GRB2: variants seen among roughly 807,000 people sequenced by gnomAD.
The protein encoded by GRB2 is growth factor receptor bound protein 2, also known as growth factor receptor-bound protein 2.
Under a neutral mutation model 27.4 loss-of-function variants are expected in GRB2, and 2 were observed. The ratio of observed to expected loss-of-function variants is 0.07; its 90% CI spans 0.03 to 0.23. GRB2 has a LOEUF of 0.23. Among genes scored for constraint, GRB2 ranks in the 10% least tolerant of loss-of-function variants. The pLI, the probability that GRB2 is intolerant of heterozygous loss-of-function variation, is 1.00. For synonymous variants in GRB2, 94 were observed against 99.6 expected (o/e 0.94, Z 0.33); for missense variants, 102 against 282.4 (o/e 0.36, Z 4.58).
chr17:75,376,791 C>T (rs1395357216), intron 2 of GRB2, among the ~76,000 whole-genome samples: 1 of 152,006 alleles, frequency 6.6e-6, no homozygotes, highest in South Asian at 2.1e-4. Context: ...CCCTTAATCC[C>T]AGAAGTTTGA....
At chr17:75,360,220 A>G (rs959271760) in intron 2 of GRB2, among the ~76,000 whole-genome samples, 1 of 151,500 alleles carries the variant, frequency 6.6e-6, no homozygotes, top group African/African-American at 2.4e-5. Context: ...TTTTATTCAC[A>G]ATAAACAAAT....
intron 2 of GRB2, among the ~76,000 whole-genome samples, chr17:75,379,460 G>A (rs1182251032): frequency 2.0e-5 from 3 of 149,830 alleles, no homozygotes; most frequent in South Asian, 4.2e-4. Context: ...GTACAGTGGG[G>A]CAAACATAGC....
At position 75,319,328 on chromosome 17, in the gene GRB2, A is replaced by AC. The variant is rs948409497; in HGVS notation, c.*1039_*1040insG. ...AAACAAAACAAATTAAAAAAAAAAA[A>AC]AAAACACCACTCAGAAGCAACCCTT... On this transcript the variant is annotated 3_prime_UTR_variant, in exon 6 of 6. Coordinates refer to ENST00000316804, the MANE Select transcript of GRB2 (RefSeq NM_002086.5). 5.3e-5 allele frequency: 8 copies of AC among 152,240 alleles called. No homozygotes were observed. Among genetic ancestry groups the AC allele is most frequent in the Admixed American group, 1.3e-4 (2 of 15,226 alleles). The allele number at this position is 152,240 out of a possible 1,614,324, so 9.4% of individuals were successfully genotyped here. A position where few individuals can be genotyped will look rare whatever the true frequency, so the allele number is the denominator to read the frequency against.
chr17:75,393,365 A>G (rs4788890), intron 2 of GRB2, 186 bp downstream of exon 2: 464,586 of 609,840 alleles, frequency 0.76, 188,601 homozygotes, highest in East Asian at 0.98. Flanking sequence ...ACCACACATC[A>G]CACCAACTCA....
chr17:75,382,075 A>T (rs6501785), intron 2 of GRB2, among the ~76,000 whole-genome samples: 135,026 of 151,984 alleles, frequency 0.89, 60,767 homozygotes, highest in Non-Finnish European at 0.96. Flanking sequence ...ATATAAAAAT[A>T]AGCTGGGCGT....
intron 2 of GRB2, among the ~76,000 whole-genome samples, chr17:75,346,881 C>G (rs2078659069): frequency 6.6e-6 from 1 of 152,044 alleles, no homozygotes; most frequent in East Asian, 1.9e-4. Context: ...CTTTTTGGCT[C>G]TGTAAGAACC....
chr17:75,360,730 A>G lies in GRB2; in HGVS notation c.79-27933T>C, dbSNP rs565113262. 3.3e-5 allele frequency among the ~76,000 whole-genome samples: 5 copies of G among 152,342 alleles called. No individual in the cohort carries two copies. In the East Asian group the frequency reaches 9.6e-4, roughly 29 times the overall value. ...CCCACTTGGCTTCTCTGGGCCTCAG[A>G]TAAATCCCCTTATAAAATAAGAGTC... On this transcript the variant is annotated intron_variant, in intron 2 of 5. Coordinates refer to ENST00000316804, the MANE Select transcript of GRB2 (RefSeq NM_002086.5).
chr17:75,366,375 T>A (rs2078819437), intron 2 of GRB2, among the ~76,000 whole-genome samples: 1 of 151,956 alleles, frequency 6.6e-6, no homozygotes, highest in Non-Finnish European at 1.5e-5. Flanking sequence ...TTATATACAG[T>A]ATGGTCTCTA....
intron 2 of GRB2, among the ~76,000 whole-genome samples, chr17:75,375,822 G>A (rs917107909): frequency 1.3e-5 from 2 of 151,056 alleles, no homozygotes; most frequent in Non-Finnish European, 2.9e-5. Context: ...TCAGGAGATC[G>A]AGACCATCCT....
rs1567853881 is a variant in GRB2, at chr17:75,319,314, A to AT, written c.*1053dup. On this transcript the variant is annotated 3_prime_UTR_variant, in exon 6 of 6. Transcript: ENST00000316804. Reference sequence around the variant, plus strand: ...TTTAACTTATTTTAAAACAAAACAAATTAAAAAAAAAAAAAAAACACCACT... The same window carrying AT: ...TTTAACTTATTTTAAAACAAAACAAATTTAAAAAAAAAAAAAAAACACCACT... The AT allele has an allele frequency of 1.4e-5, 1 of 69,136 alleles. No individual in the cohort carries two copies. The highest frequency in any genetic ancestry group is 3.5e-5 in the African/African-American group (1 of 28,198). The allele number at this position is 69,136 out of a possible 1,614,324, so 4.3% of individuals were successfully genotyped here. A position where few individuals can be genotyped will look rare whatever the true frequency, so the allele number is the denominator to read the frequency against.
At chr17:75,371,672 C>T (rs568855827) in intron 2 of GRB2, 130 of 151,850 alleles carry the variant, frequency 8.6e-4, no homozygotes, top group African/African-American at 3.0e-3. Flanking sequence ...TTCTAAGCAA[C>T]GAGAGGTGGC....
chr17:75,342,987 C>A (rs550126974), intron 2 of GRB2, among the ~76,000 whole-genome samples: 1 of 144,350 alleles, frequency 6.9e-6, no homozygotes, highest in Non-Finnish European at 1.5e-5. Context: ...AGGTCGAGGC[C>A]TGCAGTGACC....
chr17:75,404,886 T>C (rs2079088783), intron 1 of GRB2: 3 of 152,136 alleles, frequency 2.0e-5, no homozygotes, highest in Admixed American at 2.0e-4. Context: ...CAGCGCCCGC[T>C]CTCGCCGCAA....
chr17:75,369,619 C>T (rs535942324), intron 2 of GRB2, among the ~76,000 whole-genome samples: 1 of 150,456 alleles, frequency 6.6e-6, no homozygotes, highest in South Asian at 2.1e-4. Flanking sequence ...CTTTGGGAGG[C>T]CGAGGCGGGC....
chr17:75,326,258 C>A, intron 3 of GRB2: 2 of 529,214 alleles, frequency 3.8e-6, no homozygotes, highest in Non-Finnish European at 3.4e-6. Flanking sequence ...AACCGTGGGT[C>A]ACTCTTTCTA....
At chr17:75,372,710 A>G (rs924778984) in intron 2 of GRB2, 2 of 152,208 alleles carry the variant, frequency 1.3e-5, no homozygotes, top group African/African-American at 4.8e-5. Flanking sequence ...TGCACTGGTG[A>G]ATTTTTAGCC....
chr17:75,347,707 GTGAGCTGGGGCATACCCAGCCCAGCCA>G (rs2078664003), intron 2 of GRB2, among the ~76,000 whole-genome samples: 2 of 152,308 alleles, frequency 1.3e-5, no homozygotes, highest in African/African-American at 4.8e-5. Flanking sequence ...CATAACACAG[GTGAGCTGGGGCATACCCAGCCCAGCCA>G]TGAGCTGAGC....
chr17:75,338,771 T>C, intron 2 of GRB2: 2 of 635,972 alleles, frequency 3.1e-6, no homozygotes, highest in Non-Finnish European at 2.8e-6. Context: ...AGGTGAGCTT[T>C]ACACAGAAGA....
At chr17:75,352,891 A>T (rs867417130) in intron 2 of GRB2, among the ~76,000 whole-genome samples, 85 of 131,542 alleles carry the variant, frequency 6.5e-4, no homozygotes, top group African/African-American at 2.2e-3. Flanking sequence ...TTTTTTTTTT[A>T]AAAGACATAG....
Sources: allele counts gnomAD v4.1 joint callset (sites outside exome capture counted in the v4.1 genomes callset), GRCh38; gene constraint gnomAD v4.1.1; transcripts MANE v1.5; gene names NCBI Gene and HGNC (gene_info 2026-07-23, HGNC 2026-07-21).